The following ADARB1 variants were observed in gnomAD, a reference collection of about 807,000 sequenced individuals.
ADARB1 encodes adenosine deaminase RNA specific B1, also known as double-stranded RNA-specific editase 1.
A neutral mutation model predicts 52.4 loss-of-function variants in ADARB1; 10 were observed. The observed-to-expected ratio is 0.19, with a 90% confidence interval of 0.12 to 0.32. The LOEUF is 0.32. Ranked by LOEUF, ADARB1 falls within the 10% of genes least tolerant of loss-of-function variation. The pLI, the probability that ADARB1 is intolerant of heterozygous loss-of-function variation, is 1.00. For missense variants in ADARB1, 643 were observed against 922.3 expected (o/e 0.70, Z 3.92); for synonymous variants, 349 against 371.1 (o/e 0.94, Z 0.68).
chr21:45,164,188 T>A (rs1447332779), intron 2 of ADARB1, among the ~76,000 whole-genome samples: 1 of 152,194 alleles, frequency 6.6e-6, no homozygotes, highest in Non-Finnish European at 1.5e-5. Context: ...TCAGGGATGT[T>A]ACGGCACTCA....
chr21:45,166,339 A>G (rs145962428), intron 2 of ADARB1, among the ~76,000 whole-genome samples: 2 of 152,304 alleles, frequency 1.3e-5, no homozygotes, highest in East Asian at 1.9e-4. Context: ...AAGCGAGCTC[A>G]TGAAGAAATG....
intron 8 of ADARB1, among the ~76,000 whole-genome samples, chr21:45,198,785 G>A (rs1464687149): frequency 6.6e-6 from 1 of 152,052 alleles, no homozygotes; most frequent in Non-Finnish European, 1.5e-5. Context: ...ACAACAACAT[G>A]TCATGGAAAT....
rs2093038699 is a variant in ADARB1, at chr21:45,224,985, T to A, written c.*2788T>A. 1 of 985,354 alleles carries A rather than the reference T, an allele frequency of 1.0e-6. No individual in the cohort carries two copies. Among genetic ancestry groups the A allele is most frequent in the South Asian group, 4.7e-5 (1 of 21,258 alleles). 61.0% of individuals were successfully genotyped at this position (985,354 alleles called of 1,614,324 possible). A position where few individuals can be genotyped will look rare whatever the true frequency, so the allele number is the denominator to read the frequency against. On this transcript the variant is annotated 3_prime_UTR_variant, in exon 11 of 11. Coordinates refer to ENST00000348831, the MANE Select transcript of ADARB1 (RefSeq NM_001112.4). ...TGGCTTTTAGAGACTTAGCAGAAAA[T>A]TCGACACAAGCAGGAACTTGATTTT... is the stretch of plus-strand genomic sequence containing the variant.
At chr21:45,170,607 T>A (rs1365578583) in intron 2 of ADARB1, among the ~76,000 whole-genome samples, 1 of 151,688 alleles carries the variant, frequency 6.6e-6, no homozygotes, top group Non-Finnish European at 1.5e-5. Flanking sequence ...TATATGATAT[T>A]TGATATAGAT....
At chr21:45,195,236 A>G (rs2146291330) in intron 8 of ADARB1, among the ~76,000 whole-genome samples, 1 of 152,122 alleles carries the variant, frequency 6.6e-6, no homozygotes, top group South Asian at 2.1e-4. Flanking sequence ...TTTTTTGGCC[A>G]ATTTTTAATC....
At chr21:45,134,858 C>G in intron 2 of ADARB1, 1 of 532,674 alleles carries the variant, frequency 1.9e-6, no homozygotes. Context: ...CATTTGTGGT[C>G]AGGGGCACCC....
Position 45,223,436 on chromosome 21 carries a change from G to A in ADARB1, c.*1239G>A, listed in dbSNP as rs1288234993. 1.0e-6 allele frequency: 1 copy of A among 985,592 alleles called. No individual in the cohort carries two copies. Among genetic ancestry groups the A allele is most frequent in the East Asian group, 1.1e-4 (1 of 8,822 alleles). 61.1% of individuals were successfully genotyped at this position (985,592 alleles called of 1,614,324 possible). ...GGAGGTCAGGAGCGCGGCGGGCGAG[G>A]GCCCTGTGTGGACCACCTCCACCAA... is the stretch of plus-strand genomic sequence containing the variant. On this transcript the variant is annotated 3_prime_UTR_variant, in exon 11 of 11. Coordinates refer to ENST00000348831, the MANE Select transcript of ADARB1 (RefSeq NM_001112.4).
chr21:45,160,266 T>C (rs769481945), intron 2 of ADARB1, among the ~76,000 whole-genome samples: 3 of 152,236 alleles, frequency 2.0e-5, no homozygotes, highest in Admixed American at 6.5e-5. Context: ...CAGATCCTCG[T>C]AGAGCTGGAC....
At chr21:45,198,420 C>T (rs1248252628) in intron 8 of ADARB1, among the ~76,000 whole-genome samples, 2 of 151,924 alleles carry the variant, frequency 1.3e-5, no homozygotes, top group Non-Finnish European at 2.9e-5. Context: ...AGAACATTTT[C>T]TAGAAAAGTG....
intron 1 of ADARB1, among the ~76,000 whole-genome samples, chr21:45,110,667 T>C (rs930595387): frequency 6.6e-6 from 1 of 152,256 alleles, no homozygotes; most frequent in Admixed American, 6.5e-5. Flanking sequence ...CTAGCATTTA[T>C]GGCTCTTTAA....
chr21:45,137,087 T>C (rs1264683204), intron 2 of ADARB1: 1 of 152,270 alleles, frequency 6.6e-6, no homozygotes, highest in East Asian at 1.9e-4. Context: ...TTAGCTTTGC[T>C]GTGCTCTGAG....
At chr21:45,187,449 T>C (rs145616050) in intron 8 of ADARB1, among the ~76,000 whole-genome samples, 7 of 152,354 alleles carry the variant, frequency 4.6e-5, no homozygotes, top group African/African-American at 1.7e-4. Context: ...TTATGTCATC[T>C]GCAAACAGAT....
rs954752099 is a variant in ADARB1, at chr21:45,172,987, G to A, written c.28+1303G>A. ...CCATACTCCTCATTTGAGAAAATGT[G>A]ACCTGTGCTTGGCCCGTGCAGTAGC... On this transcript the variant is annotated intron_variant, in intron 3 of 10. Transcript: ENST00000348831. The surrounding 1 kb of genome is among the most constrained non-coding windows in gnomAD (Gnocchi z 4.4). 2.0e-5 allele frequency among the ~76,000 whole-genome samples: 3 copies of A among 152,170 alleles called. No homozygotes were observed. The highest frequency in any genetic ancestry group is 4.4e-5 in the Non-Finnish European group (3 of 68,020).
rs778408751 is a variant in ADARB1, at chr21:45,182,786, T to C, written c.1247+33T>C. The C allele has an allele frequency of 2.6e-6, 4 of 1,523,714 alleles. No individual in the cohort carries two copies. In the Admixed American group the frequency reaches 6.8e-5, roughly 26 times the overall value. 94.4% of individuals were successfully genotyped at this position (1,523,714 alleles called of 1,614,324 possible). On this transcript the variant is annotated intron_variant, in intron 6 of 10. Transcript: ENST00000348831. ...TAGTAAACAAATAAGGACAGGAAGC[T>C]CTTTTTAAAAAATATTCCTCTATTA...
intron 9 of ADARB1, among the ~76,000 whole-genome samples, chr21:45,215,128 ACCTGAAACT>A (rs2092836759): frequency 6.6e-6 from 1 of 152,070 alleles, no homozygotes; most frequent in Non-Finnish European, 1.5e-5. Flanking sequence ...GCTCATTGTA[ACCTGAAACT>A]CCTGGGCCCA....
At chr21:45,150,413 AATT>A (rs1164323197) in intron 2 of ADARB1, among the ~76,000 whole-genome samples, 2 of 152,256 alleles carry the variant, frequency 1.3e-5, no homozygotes, top group Non-Finnish European at 2.9e-5. Flanking sequence ...ATTTTTTCTA[AATT>A]ATTAAGTTAT....
intron 1 of ADARB1, among the ~76,000 whole-genome samples, chr21:45,090,248 T>C (rs2086510073): frequency 1.3e-5 from 2 of 152,330 alleles, no homozygotes; most frequent in South Asian, 4.1e-4. Context: ...ATTCCTGCAT[T>C]CTGGGGAAAA....
intron 2 of ADARB1, among the ~76,000 whole-genome samples, chr21:45,139,799 T>G (rs188225581): frequency 2.2e-4 from 34 of 152,344 alleles, no homozygotes; most frequent in Non-Finnish European, 4.3e-4. Flanking sequence ...TAATTCATTC[T>G]TCTTGAAATA....
Position 45,222,310 on chromosome 21 carries a change from C to T in ADARB1, c.*113C>T. 7.2e-7 allele frequency: 1 copy of T among 1,391,058 alleles called. No individual in the cohort carries two copies. Among genetic ancestry groups the T allele is most frequent in the Non-Finnish European group, 9.3e-7 (1 of 1,077,548 alleles). 86.2% of individuals were successfully genotyped at this position (1,391,058 alleles called of 1,614,324 possible). A position where few individuals can be genotyped will look rare whatever the true frequency, so the allele number is the denominator to read the frequency against. ...ATACCTTGGGGAGGGAGTAGGGGGA[C>T]ACGGGGGACCACCAGGTGTCCACGG... On this transcript the variant is annotated 3_prime_UTR_variant, in exon 11 of 11. Transcript: ENST00000348831.
Sources: gnomAD v4.1 joint callset for allele counts (sites outside exome capture counted in the v4.1 genomes callset) on GRCh38, gnomAD v4.1.1 for gene constraint, Gnocchi (gnomAD v3.1) non-coding constraint, MANE v1.5 for transcripts, NCBI Gene and HGNC (gene_info 2026-07-23, HGNC 2026-07-21) for gene names.